The following RRAGD variants were observed in gnomAD, a reference collection of about 807,000 sequenced individuals.
The protein encoded by RRAGD is Ras related GTP binding D.
In RRAGD, 12 loss-of-function variants were observed where a neutral mutation model predicts 35.5. The observed-to-expected ratio is 0.34, with a 90% CI of 0.22 to 0.55. RRAGD has a LOEUF of 0.55. Ranked by LOEUF, RRAGD falls within the 20% of genes least tolerant of loss-of-function variation. The pLI, the probability that RRAGD is intolerant of heterozygous loss-of-function variation, is 0.91. For missense variants in RRAGD, 324 were observed against 490.1 expected, an observed-to-expected ratio of 0.66 and a Z score of 3.20; for synonymous variants, 155 against 178.9, an observed-to-expected ratio of 0.87 and a Z score of 1.07.
chr6:89,369,978 C>T (rs1768828410), intron 6 of RRAGD, among the ~76,000 whole-genome samples: 1 of 152,154 alleles, frequency 6.6e-6, no homozygotes. Flanking sequence ...TCAACCCTAG[C>T]TGCACAATAA....
At chr6:89,389,989 G>A (rs1213239383) in intron 1 of RRAGD, among the ~76,000 whole-genome samples, 1 of 152,158 alleles carries the variant, frequency 6.6e-6, no homozygotes, top group African/African-American at 2.4e-5. Context: ...GCAAAAGAAT[G>A]AAGTTAGACC....
In RRAGD at chr6:89,366,065, T is replaced by TAGG. The variant is rs1409106867; in HGVS notation, c.*1988_*1990dup. 6.6e-6 allele frequency: 1 copy of TAGG among 152,224 alleles called. No individual in the cohort carries two copies. The highest frequency in any genetic ancestry group is 1.9e-4 in the East Asian group (1 of 5,188). The allele number at this position is 152,224 out of a possible 1,614,324, so 9.4% of individuals were successfully genotyped here. On this transcript the variant is annotated 3_prime_UTR_variant, in exon 7 of 7. Coordinates refer to ENST00000369415, the MANE Select transcript of RRAGD (RefSeq NM_021244.5). ...GAGTAGGAATCATGAGGAAAGGAGT[T>TAGG]AGGGCACCTTAATTATTTTTAGAAA...
At chr6:89,404,889 G>A (rs946899955) in intron 1 of RRAGD, among the ~76,000 whole-genome samples, 2 of 152,146 alleles carry the variant, frequency 1.3e-5, no homozygotes, top group Non-Finnish European at 2.9e-5. Context: ...TCTTAAGGTT[G>A]GCCCTGCCAT....
chr6:89,403,421 G>A (rs1380959415), intron 1 of RRAGD, among the ~76,000 whole-genome samples: 1 of 151,790 alleles, frequency 6.6e-6, no homozygotes, highest in Non-Finnish European at 1.5e-5. Flanking sequence ...CCCCAGCCTG[G>A]GCGACAGAGC....
At position 89,376,466 on chromosome 6, in the gene RRAGD, A is replaced by G. The variant is rs1768947867; in HGVS notation, c.902+1205T>C. 1.3e-5 allele frequency among the ~76,000 whole-genome samples: 2 copies of G among 152,154 alleles called. 1 individual carries two copies. The highest frequency in any genetic ancestry group is 4.1e-4 in the South Asian group (2 of 4,828). ...CGTCAAGCTGTGTAAGGCAGGTCAC[A>G]GGCAGTGAGTAAAGAGGAAGATGAG... On this transcript the variant is annotated intron_variant, in intron 5 of 6. Transcript: ENST00000369415.
chr6:89,393,812 G>T (rs1296795354), intron 1 of RRAGD, among the ~76,000 whole-genome samples: 3 of 152,190 alleles, frequency 2.0e-5, no homozygotes, highest in Admixed American at 2.0e-4. Flanking sequence ...GAGACTCAGA[G>T]ATGTAAGAAA....
At chr6:89,368,961 A>G (rs1768811592) in intron 6 of RRAGD, among the ~76,000 whole-genome samples, 2 of 152,224 alleles carry the variant, frequency 1.3e-5, no homozygotes, top group South Asian at 2.1e-4. Context: ...CAATTAGGAT[A>G]AGGTGGTCAG....
intron 1 of RRAGD, among the ~76,000 whole-genome samples, chr6:89,391,956 C>CAAAAAAAAAA (rs5878093): frequency 1.0e-5 from 1 of 99,162 alleles, no homozygotes; most frequent in Non-Finnish European, 2.0e-5. Flanking sequence ...GACCCTATCT[C>CAAAAAAAAAA]AAAAAAAAAA....
At chr6:89,376,300 G>GGGGTGTGTGCGTGTGTGT (rs1554203293) in intron 5 of RRAGD, among the ~76,000 whole-genome samples, 2 of 141,772 alleles carry the variant, frequency 1.4e-5, no homozygotes, top group South Asian at 4.3e-4. Context: ...ATGTGTGTGT[G>GGGGTGTGTGCGTGTGTGT]GTGTGTGTGT....
intron 1 of RRAGD, among the ~76,000 whole-genome samples, chr6:89,394,743 T>C (rs1004413050): frequency 6.6e-6 from 1 of 151,436 alleles, no homozygotes; most frequent in Non-Finnish European, 1.5e-5. Context: ...CAAATATAAA[T>C]GAAAATATAA....
chr6:89,399,833 C>T (rs529247473), intron 1 of RRAGD, among the ~76,000 whole-genome samples: 3 of 148,194 alleles, frequency 2.0e-5, no homozygotes, highest in South Asian at 2.1e-4. Context: ...GAAACTCCTA[C>T]GCTCAAGTGA....
chr6:89,393,122 A>G (rs978859251), intron 1 of RRAGD, among the ~76,000 whole-genome samples: 3 of 152,238 alleles, frequency 2.0e-5, no homozygotes, highest in Non-Finnish European at 2.9e-5. Context: ...TTCCCTTCCC[A>G]TGCTAACTCC....
chr6:89,380,561 TA>T, intron 2 of RRAGD, among the ~76,000 whole-genome samples, 194 bp from the exon 3 acceptor site: 1 of 152,068 alleles, frequency 6.6e-6, no homozygotes, highest in East Asian at 1.9e-4. Flanking sequence ...GAAGAAAGGC[TA>T]AAAAAATGCA....
At chr6:89,380,837 G>A (rs746839931) in intron 2 of RRAGD, among the ~76,000 whole-genome samples, 1 of 151,338 alleles carries the variant, frequency 6.6e-6, no homozygotes, top group Non-Finnish European at 1.5e-5. Context: ...AACCCAGGAG[G>A]CAGAGATTGC....
At chr6:89,374,679 G>A (rs780875019) in intron 5 of RRAGD, among the ~76,000 whole-genome samples, 5 of 151,510 alleles carry the variant, frequency 3.3e-5, no homozygotes, top group East Asian at 1.9e-4. Context: ...GCAGTGAGCC[G>A]AGATCATGCC....
chr6:89,380,706 G>C, intron 2 of RRAGD, among the ~76,000 whole-genome samples: 1 of 152,226 alleles, frequency 6.6e-6, no homozygotes, highest in South Asian at 2.1e-4. Flanking sequence ...AGGAGATTGA[G>C]ACCATCCTGG....
chr6:89,374,548 T>C (rs1251890248), intron 5 of RRAGD, among the ~76,000 whole-genome samples: 1 of 152,086 alleles, frequency 6.6e-6, no homozygotes, highest in South Asian at 2.1e-4. Context: ...CTGACCAACA[T>C]GGAGAAACTC....
chr6:89,381,977 T>C (rs1018183845), intron 2 of RRAGD, among the ~76,000 whole-genome samples: 8 of 151,862 alleles, frequency 5.3e-5, no homozygotes, highest in Middle Eastern at 3.4e-3. Flanking sequence ...AGATCTCTTA[T>C]TGCCAATTTG....
Position 89,370,962 on chromosome 6 carries a change from AAAAT to A in RRAGD, c.1051+1471_1051+1474del, listed in dbSNP as rs1768845050. On this transcript the variant is annotated intron_variant, in intron 6 of 6. Coordinates refer to ENST00000369415, the MANE Select transcript of RRAGD (RefSeq NM_021244.5). Reference sequence around the variant, plus strand: ...AAAAGAATCTATTACTTTTCTGATAAAAATAAACAATGTAAATTAAGTTTTCATG... The same window carrying A: ...AAAAGAATCTATTACTTTTCTGATAAAAACAATGTAAATTAAGTTTTCATG... 3.4e-5 allele frequency among the ~76,000 whole-genome samples: 5 copies of A among 146,064 alleles called. 1 individual carries two copies. In the South Asian group the frequency reaches 1.1e-3, roughly 32 times the overall value.
Sources: gnomAD v4.1 joint callset for allele counts (sites outside exome capture counted in the v4.1 genomes callset) on GRCh38, gnomAD v4.1.1 for gene constraint, MANE v1.5 for transcripts, NCBI Gene and HGNC (gene_info 2026-07-23, HGNC 2026-07-21) for gene names.